CGNL1: variants seen among roughly 807,000 people sequenced by gnomAD.
CGNL1 encodes the protein cingulin like 1.
In CGNL1, 132 loss-of-function variants were observed where a neutral mutation model predicts 141.2. That is an observed-to-expected ratio of 0.93 (90% CI 0.81 to 1.08). The LOEUF is 1.08. Among genes scored for constraint, CGNL1 ranks in the 50% least tolerant of loss-of-function variants. The probability of loss-of-function intolerance (pLI) is 0.00; values close to 1 mark genes in which losing one functional copy is unlikely to be tolerated. For missense variants in CGNL1, 1,870 were observed against 1,588.6 expected (o/e 1.18, Z -3.01); for synonymous variants, 690 against 622.1 (o/e 1.11, Z -1.63).
chr15:57,401,369 T>C (rs527930932), intron 1 of CGNL1, among the ~76,000 whole-genome samples: 16 of 152,272 alleles, frequency 1.1e-4, no homozygotes, highest in African/African-American at 3.8e-4. Context: ...TTTTTTCTTT[T>C]TTAAATGCAG....
At chr15:57,531,206 T>C (rs2641574) in intron 13 of CGNL1, among the ~76,000 whole-genome samples, 126,442 of 152,286 alleles carry the variant, frequency 0.83, 52,607 homozygotes, top group African/African-American at 0.84. Context: ...TGGGAGTGCA[T>C]CGTGCAAATG....
chr15:57,385,192 C>T (rs1374604865), intron 1 of CGNL1, among the ~76,000 whole-genome samples: 1 of 152,186 alleles, frequency 6.6e-6, no homozygotes, highest in South Asian at 2.1e-4. Flanking sequence ...TTCAAGTCCA[C>T]CATCCATTTT....
chr15:57,536,614 G>A (rs1245773637), intron 14 of CGNL1, among the ~76,000 whole-genome samples: 5 of 152,192 alleles, frequency 3.3e-5, no homozygotes, highest in African/African-American at 9.7e-5. Context: ...AGAAGTTGAA[G>A]TTGCTGGCGT....
intron 8 of CGNL1, among the ~76,000 whole-genome samples, chr15:57,494,601 C>T (rs974861149): frequency 1.3e-5 from 2 of 152,196 alleles, no homozygotes; most frequent in Admixed American, 1.3e-4. Context: ...GGCCCAATCC[C>T]ATGAACTTTC....
intron 8 of CGNL1, among the ~76,000 whole-genome samples, chr15:57,470,164 C>T (rs58114100): frequency 0.037 from 5,628 of 151,414 alleles, 323 homozygotes; most frequent in African/African-American, 0.13. Context: ...TCCACAGACT[C>T]AAGCCTGCCT....
intron 1 of CGNL1, among the ~76,000 whole-genome samples, chr15:57,407,879 G>C (rs2152265385): frequency 6.6e-6 from 1 of 151,452 alleles, no homozygotes; most frequent in South Asian, 2.1e-4. Context: ...CTCCTGAGTA[G>C]CTGGGATTAC....
chr15:57,378,448 C>G (rs2062391244), intron 1 of CGNL1, among the ~76,000 whole-genome samples: 1 of 128,632 alleles, frequency 7.8e-6, no homozygotes, highest in South Asian at 2.7e-4. Context: ...ATGGTGCAAT[C>G]TCAGCTTACG....
Position 57,461,784 on chromosome 15 carries a change from A to G in CGNL1, c.2295A>G (p.Gly765=), listed in dbSNP as rs550141729. 1.1e-4 allele frequency: 178 copies of G among 1,613,974 alleles called. No homozygotes were observed. The highest frequency in any genetic ancestry group is 1.4e-4 in the Non-Finnish European group (168 of 1,180,014). The change falls in exon 8 of 19, where the codon GGA becomes GGG. Residue 765 remains glycine, a synonymous_variant. Transcript: ENST00000281282. ...AGCGTGAACTCACCGCCCTGAAGGG[A>G]GCCCTGAAAGAAGAGGTTTCCAGCC... is the stretch of plus-strand genomic sequence containing the variant. The part of the protein sequence containing the change: ...KRERELTALK[G]ALKEEVSSHD...
chr15:57,547,360 A>G lies in CGNL1; in HGVS notation c.3779A>G (p.Lys1260Arg), dbSNP rs1174019983. 3 of 1,614,050 alleles carry G rather than the reference A, an allele frequency of 1.9e-6. 1 individual carries two copies. In the East Asian group the frequency reaches 6.7e-5, roughly 36 times the overall value. The stretch of plus-strand genomic sequence containing the variant: ...GCCCCTTGTCATTTCAGCAGACTGA[A>G]GAAGCTGCCGAGTAAAGTGCTGGAT... ...LNSMKKDLRL[K>R]KLPSKVLDDM... Residue 1260 changes from lysine (K) to arginine (R), a missense_variant, in exon 19 of 19, where the codon AAG becomes AGG. Transcript: ENST00000281282.
At chr15:57,542,285 T>C (rs1425168450) in intron 14 of CGNL1, among the ~76,000 whole-genome samples, 1 of 152,224 alleles carries the variant, frequency 6.6e-6, no homozygotes, top group African/African-American at 2.4e-5. Context: ...TGTGTGTACC[T>C]CTTAGCCACG....
chr15:57,402,261 C>G (rs1233977990), intron 1 of CGNL1, among the ~76,000 whole-genome samples: 1 of 152,182 alleles, frequency 6.6e-6, no homozygotes, highest in Non-Finnish European at 1.5e-5. Flanking sequence ...GGTCTGGCAC[C>G]TCTGTTGCTC....
At chr15:57,515,892 C>G (rs1317988812) in intron 8 of CGNL1, among the ~76,000 whole-genome samples, 1 of 152,142 alleles carries the variant, frequency 6.6e-6, no homozygotes, top group African/African-American at 2.4e-5. Flanking sequence ...GGTGTGGTGG[C>G]TCACACCTGT....
chr15:57,415,225 C>T (rs1426120056), intron 1 of CGNL1, among the ~76,000 whole-genome samples: 1 of 152,218 alleles, frequency 6.6e-6, no homozygotes, highest in Non-Finnish European at 1.5e-5. Flanking sequence ...TGCCCAATTC[C>T]TAATCCTGGA....
intron 15 of CGNL1, 87 bp from the exon 16 acceptor site, chr15:57,544,386 A>C: frequency 6.6e-7 from 1 of 1,521,356 alleles, no homozygotes; most frequent in Non-Finnish European, 9.0e-7. Context: ...CAGCGACCAA[A>C]CACCAGGTTC....
intron 5 of CGNL1, 33 bp downstream of exon 5, chr15:57,451,634 ATT>A: frequency 6.7e-7 from 1 of 1,481,904 alleles, no homozygotes; most frequent in Non-Finnish European, 9.3e-7. Flanking sequence ...TATTTTTTCC[ATT>A]TCTGTCTTGG....
intron 1 of CGNL1, among the ~76,000 whole-genome samples, chr15:57,407,595 C>T (rs1259888791): frequency 1.3e-5 from 2 of 152,046 alleles, no homozygotes; most frequent in Admixed American, 6.6e-5. Flanking sequence ...GTCACTTGAC[C>T]TTGGGAAATT....
chr15:57,502,337 GA>G (rs1452827245), intron 8 of CGNL1, among the ~76,000 whole-genome samples: 2 of 152,336 alleles, frequency 1.3e-5, no homozygotes, highest in East Asian at 3.9e-4. Context: ...TGGGAAAATG[GA>G]AAGGCTTGTT....
chr15:57,517,094 A>G (rs2030873441), intron 9 of CGNL1, 108 bp downstream of exon 9: 1 of 1,091,852 alleles, frequency 9.2e-7, no homozygotes, highest in Non-Finnish European at 1.3e-6. Context: ...TGTAGTAGGA[A>G]AGGTCAAGGC....
At chr15:57,488,381 C>T (rs776972449) in intron 8 of CGNL1, among the ~76,000 whole-genome samples, 13 of 152,158 alleles carry the variant, frequency 8.5e-5, no homozygotes, top group South Asian at 2.1e-4. Flanking sequence ...TCCTTTGAAG[C>T]GCAAAGATTT....
Sources: gnomAD v4.1 joint callset for allele counts (sites outside exome capture counted in the v4.1 genomes callset) on GRCh38, gnomAD v4.1.1 for gene constraint, MANE v1.5 for transcripts, NCBI Gene and HGNC (gene_info 2026-07-23, HGNC 2026-07-21) for gene names.